EPHA5: variants seen among roughly 807,000 people sequenced by gnomAD.
The protein encoded by EPHA5 is EPH receptor A5, also known as ephrin type-A receptor 5.
EPHA5 carries 60 observed loss-of-function variants against 105.0 expected under a neutral mutation model. The ratio of observed to expected loss-of-function variants is 0.57; its 90% confidence interval spans 0.46 to 0.71. EPHA5 has a LOEUF of 0.71. Among genes scored for constraint, EPHA5 ranks in the 30% least tolerant of loss-of-function variants. The pLI is 0.00. For missense variants in EPHA5, 1,218 were observed against 1,274.7 expected (o/e 0.96, Z 0.68); for synonymous variants, 513 against 449.1 (o/e 1.14, Z -1.80).
At chr4:65,511,423 GT>G (rs1178978129) in intron 3 of EPHA5, among the ~76,000 whole-genome samples, 3 of 152,076 alleles carry the variant, frequency 2.0e-5, no homozygotes, top group African/African-American at 4.8e-5. Flanking sequence ...GTGATGATGA[GT>G]TTTTTTATCT....
At chr4:65,455,515 A>C (rs925150254) in intron 5 of EPHA5, among the ~76,000 whole-genome samples, 13 of 152,292 alleles carry the variant, frequency 8.5e-5, no homozygotes, top group Admixed American at 7.8e-4. Context: ...TCTGCTTACA[A>C]CTCAGGTAAT....
At chr4:65,602,393 T>C in intron 2 of EPHA5, 89 bp from the exon 3 acceptor site, 3 of 1,032,774 alleles carry the variant, frequency 2.9e-6, no homozygotes, top group Non-Finnish European at 4.1e-6. Context: ...GAAAACTAAC[T>C]GAGATATAGA....
rs1577795244 is a variant in EPHA5 at position 65,320,627 on chromosome 4, A to C, written c.*3487T>G. 1.4e-4 allele frequency: 32 copies of C among 229,710 alleles called. No individual in the cohort carries two copies. In the East Asian group the frequency reaches 2.0e-3, roughly 14 times the overall value. The allele number at this position is 229,710 out of a possible 1,614,324, so 14.2% of individuals were successfully genotyped here. On this transcript the variant is annotated 3_prime_UTR_variant, in exon 17 of 17. Transcript: ENST00000613740. ...TTGTGCTTCTGAGAACCCACTTTAC[A>C]TGGCATAAATAATGGTGTTAAAAAT... is the stretch of plus-strand genomic sequence containing the variant.
chr4:65,400,419 C>A (rs1358992485), intron 8 of EPHA5, among the ~76,000 whole-genome samples: 1 of 152,096 alleles, frequency 6.6e-6, no homozygotes, highest in Non-Finnish European at 1.5e-5. Flanking sequence ...CTGAACCCTG[C>A]AGAAAATACC....
intron 8 of EPHA5, among the ~76,000 whole-genome samples, chr4:65,391,717 T>C (rs1228345536): frequency 6.6e-6 from 1 of 152,126 alleles, no homozygotes; most frequent in Non-Finnish European, 1.5e-5. Context: ...AGTGCCAGCC[T>C]GTACTCTTTC....
In EPHA5 at chr4:65,319,671, A is replaced by G. The variant is rs1719484404; in HGVS notation, c.*4443T>C. ...ATGCACATAAAGATTCAAATGAGAAAAAATACAGAAATCCTAATCCTTCTT... is the reference window on the plus strand; with the variant it reads ...ATGCACATAAAGATTCAAATGAGAAGAAATACAGAAATCCTAATCCTTCTT... On this transcript the variant is annotated 3_prime_UTR_variant, in exon 17 of 17. Transcript: ENST00000613740. 4.5e-6 allele frequency: 1 copy of G among 223,704 alleles called. No homozygotes were observed. Among genetic ancestry groups the G allele is most frequent in the Admixed American group, 5.7e-5 (1 of 17,444 alleles). 13.9% of individuals were successfully genotyped at this position (223,704 alleles called of 1,614,324 possible).
chr4:65,640,937 C>T (rs543242177), intron 2 of EPHA5, among the ~76,000 whole-genome samples: 5 of 152,144 alleles, frequency 3.3e-5, no homozygotes, highest in Admixed American at 3.3e-4. Flanking sequence ...TTCTGGTTGG[C>T]AAGCCTATTG....
chr4:65,558,777 G>C (rs1038817128), intron 3 of EPHA5, among the ~76,000 whole-genome samples: 2 of 151,964 alleles, frequency 1.3e-5, no homozygotes, highest in Admixed American at 1.3e-4. Flanking sequence ...AATTATAGAA[G>C]GTTTGTTGCT....
rs555430074 is a variant in EPHA5 at position 65,404,449 on chromosome 4, A to T, written c.1718T>A (p.Ile573Asn). Residue 573 changes from isoleucine (I) to asparagine (N), a missense_variant, in exon 8 of 17, where the codon ATT (isoleucine) becomes AAT (asparagine). Coordinates refer to ENST00000613740, the MANE Select transcript of EPHA5 (RefSeq NM_001281766.3). ...TGTCACAGACACAGCAATTACAGGA[A>T]TCTGGCTTTGATCGCTGGATGCTGC... is the stretch of plus-strand genomic sequence containing the variant. ...SVAASSDQSQIPVIAVSVTVG... is the reference protein window; with the variant it reads ...SVAASSDQSQNPVIAVSVTVG... 2.9e-5 allele frequency: 46 copies of T among 1,613,782 alleles called. No homozygotes were observed. The South Asian group carries it at 4.8e-4, about 17-fold the overall frequency.
chr4:65,551,013 T>C (rs1390903904), intron 3 of EPHA5, among the ~76,000 whole-genome samples: 1 of 151,976 alleles, frequency 6.6e-6, no homozygotes, highest in African/African-American at 2.4e-5. Flanking sequence ...TATATATATA[T>C]GCATACATAC....
intron 2 of EPHA5, among the ~76,000 whole-genome samples, chr4:65,625,753 A>G (rs893427292): frequency 4.6e-5 from 7 of 152,200 alleles, no homozygotes; most frequent in African/African-American, 1.7e-4. Context: ...GGCATCATTC[A>G]ACTAACACAA....
rs1723181290 is a variant in EPHA5 at position 65,414,267 on chromosome 4, T to C, written c.1687+17A>G. The C allele has an allele frequency of 6.2e-7, 1 of 1,611,896 alleles. No homozygotes were observed. Among genetic ancestry groups the C allele is most frequent in the African/African-American group, 1.3e-5 (1 of 74,852 alleles). ...CCATTACTGAGACATGAGCTGACAG[T>C]AATTAAAATGACTTACACACTGGGG... On this transcript the variant is annotated intron_variant, in intron 7 of 16. Coordinates refer to ENST00000613740, the MANE Select transcript of EPHA5 (RefSeq NM_001281766.3).
Position 65,366,368 on chromosome 4 carries a change from A to G in EPHA5, c.1862-311T>C, listed in dbSNP as rs111599402. On this transcript the variant is annotated intron_variant, in intron 9 of 16. Transcript: ENST00000613740. The stretch of plus-strand genomic sequence containing the variant: ...TATTCACCGAACTGGACAATGCAAT[A>G]CTAGTGCTTAATTTGCTGGTTTATT... 5.3e-3 allele frequency among the ~76,000 whole-genome samples: 803 copies of G among 151,958 alleles called. 10 individuals are homozygous for G. The highest frequency in any genetic ancestry group is 0.018 in the African/African-American group (751 of 41,538).
intron 3 of EPHA5, among the ~76,000 whole-genome samples, chr4:65,544,031 C>T (rs1560675210): frequency 3.3e-5 from 5 of 152,002 alleles, no homozygotes. Flanking sequence ...ATGCAGAAAA[C>T]TGAAACTGGA....
chr4:65,447,911 T>G (rs776634056), intron 5 of EPHA5, among the ~76,000 whole-genome samples: 4 of 151,658 alleles, frequency 2.6e-5, no homozygotes, highest in African/African-American at 9.7e-5. Context: ...CTAACAAAAG[T>G]GTCAAAAGAA....
At chr4:65,646,280 A>G (rs2149519911) in intron 1 of EPHA5, among the ~76,000 whole-genome samples, 1 of 152,228 alleles carries the variant, frequency 6.6e-6, no homozygotes, top group Non-Finnish European at 1.5e-5. Flanking sequence ...TAAGAACACC[A>G]TGTTTGACTC....
chr4:65,636,435 C>T (rs947451677), intron 2 of EPHA5, among the ~76,000 whole-genome samples: 13 of 151,984 alleles, frequency 8.6e-5, no homozygotes, highest in African/African-American at 2.7e-4. Context: ...ATAATCAGGA[C>T]GTTGGATGAC....
At chr4:65,496,247 A>T (rs186296082) in intron 3 of EPHA5, among the ~76,000 whole-genome samples, 366 of 151,806 alleles carry the variant, frequency 2.4e-3, no homozygotes, top group African/African-American at 8.5e-3. Context: ...TTTTTATTAT[A>T]CTTTAAGTTT....
intron 7 of EPHA5, among the ~76,000 whole-genome samples, chr4:65,409,609 A>C (rs1722728101): frequency 6.6e-6 from 1 of 152,158 alleles, no homozygotes; most frequent in Non-Finnish European, 1.5e-5. Context: ...CTGAAGGTTA[A>C]AATAATTGCA....
Sources: gnomAD v4.1 joint callset for allele counts (sites outside exome capture counted in the v4.1 genomes callset) on GRCh38, gnomAD v4.1.1 for gene constraint, MANE v1.5 for transcripts, NCBI Gene and HGNC (gene_info 2026-07-23, HGNC 2026-07-21) for gene names.